AKT3: variants seen among roughly 807,000 people sequenced by gnomAD.
AKT3 encodes the protein AKT serine/threonine kinase 3.
AKT3 carries 15 observed loss-of-function variants against 65.3 expected under a neutral mutation model. The observed-to-expected ratio is 0.23, with a 90% confidence interval of 0.15 to 0.35. AKT3 has a LOEUF of 0.35. Ranked by LOEUF, AKT3 falls within the 10% of genes least tolerant of loss-of-function variation. The probability of loss-of-function intolerance (pLI) is 1.00; values close to 1 mark genes in which losing one functional copy is unlikely to be tolerated. For synonymous variants in AKT3, 206 were observed against 183.8 expected (o/e 1.12, Z -0.98); for missense variants, 243 against 576.5 (o/e 0.42, Z 5.92).
intron 12 of AKT3, among the ~76,000 whole-genome samples, chr1:243,523,449 A>T (rs982014757): frequency 6.6e-6 from 1 of 152,114 alleles, no homozygotes; most frequent in Non-Finnish European, 1.5e-5. Flanking sequence ...ACTTTAAATG[A>T]TCTGAAATAC....
intron 8 of AKT3, among the ~76,000 whole-genome samples, chr1:243,597,064 G>A (rs920571804): frequency 1.3e-5 from 2 of 152,168 alleles, no homozygotes; most frequent in Non-Finnish European, 2.9e-5. Context: ...TGGGTACAGG[G>A]AAGACTGACT....
At chr1:243,545,113 C>T (rs780796675) in intron 12 of AKT3, among the ~76,000 whole-genome samples, 1 of 152,058 alleles carries the variant, frequency 6.6e-6, no homozygotes, top group Non-Finnish European at 1.5e-5. Context: ...CTTTAAATTT[C>T]TTTTAAAACA....
Position 243,560,357 on chromosome 1 carries a change from T to A in AKT3, c.948+3363A>T, listed in dbSNP as rs574912513. Reference sequence around the variant, plus strand: ...AATAATTCTTTGATGAATGAATGAGTGTCCCTCAGTAAAATGGTCCACGCT... The same window carrying A: ...AATAATTCTTTGATGAATGAATGAGAGTCCCTCAGTAAAATGGTCCACGCT... On this transcript the variant is annotated intron_variant, in intron 10 of 13. Transcript: ENST00000673466. 2.0e-5 allele frequency among the ~76,000 whole-genome samples: 3 copies of A among 152,274 alleles called. No individual in the cohort carries two copies. In the East Asian group the frequency reaches 5.8e-4, roughly 29 times the overall value.
chr1:243,614,809 G>GTTAA (rs1230280165), intron 7 of AKT3, among the ~76,000 whole-genome samples: 1 of 151,934 alleles, frequency 6.6e-6, no homozygotes, highest in Non-Finnish European at 1.5e-5. Context: ...AAATGCCAGA[G>GTTAA]GTAATGTATT....
At chr1:243,554,835 C>T (rs1042992813) in intron 10 of AKT3, among the ~76,000 whole-genome samples, 3 of 151,846 alleles carry the variant, frequency 2.0e-5, no homozygotes, top group Admixed American at 6.6e-5. Flanking sequence ...AACTGCCTCC[C>T]GAACCCACAT....
At chr1:243,563,993 T>A in intron 9 of AKT3, 145 bp from the exon 10 acceptor site, 2 of 600,906 alleles carry the variant, frequency 3.3e-6, no homozygotes, top group Non-Finnish European at 5.2e-6. Context: ...ACTTACAAAC[T>A]CTGTTGCTTC....
intron 2 of AKT3, among the ~76,000 whole-genome samples, chr1:243,705,383 C>T (rs1190804989): frequency 6.6e-6 from 1 of 152,152 alleles, no homozygotes; most frequent in East Asian, 1.9e-4. Flanking sequence ...ATCTGCTTTA[C>T]AATTTTCTTT....
intron 6 of AKT3, among the ~76,000 whole-genome samples, chr1:243,629,263 C>T (rs180676619): frequency 6.6e-6 from 1 of 151,874 alleles, no homozygotes; most frequent in East Asian, 1.9e-4. Flanking sequence ...GCAACAAGAG[C>T]AAAACTCCAT....
intron 2 of AKT3, among the ~76,000 whole-genome samples, chr1:243,809,204 G>C (rs1237647628): frequency 6.6e-6 from 1 of 152,086 alleles, no homozygotes. Flanking sequence ...ATGTAAATGG[G>C]CTAAATGCTC....
At chr1:243,847,692 A>G (rs1160758172) in intron 1 of AKT3, among the ~76,000 whole-genome samples, 1 of 152,160 alleles carries the variant, frequency 6.6e-6, no homozygotes, top group Non-Finnish European at 1.5e-5. Context: ...ATTTGCAGTG[A>G]TTCTGAAAAC....
intron 4 of AKT3, among the ~76,000 whole-genome samples, chr1:243,654,467 CAA>C (rs887172309): frequency 6.6e-6 from 1 of 152,090 alleles, no homozygotes; most frequent in Non-Finnish European, 1.5e-5. Flanking sequence ...GTGCTAGTGA[CAA>C]ATCTTATCAA....
intron 2 of AKT3, among the ~76,000 whole-genome samples, chr1:243,696,495 C>T (rs930977912): frequency 6.6e-6 from 1 of 151,966 alleles, no homozygotes; most frequent in Non-Finnish European, 1.5e-5. Flanking sequence ...TAATTTTAAG[C>T]AACAGAGGTG....
intron 2 of AKT3, among the ~76,000 whole-genome samples, chr1:243,768,232 C>A (rs959484122): frequency 6.6e-6 from 1 of 151,518 alleles, no homozygotes; most frequent in African/African-American, 2.4e-5. Context: ...TTACTTAAGG[C>A]AAAAAGTCTT....
rs550685224 is a variant in AKT3 at position 243,614,201 on chromosome 1, T to C, written c.628-462A>G. ...CACAACAGAACCCAACCTAACAGAG[T>C]TGGTTTATATAATTTTGTAGGTTAT... On this transcript the variant is annotated intron_variant, in intron 7 of 13. Transcript: ENST00000673466. 6.0e-4 allele frequency among the ~76,000 whole-genome samples: 91 copies of C among 152,122 alleles called. 1 individual carries two copies. Among genetic ancestry groups the C allele is most frequent in the African/African-American group, 2.1e-3 (88 of 41,502 alleles).
intron 2 of AKT3, among the ~76,000 whole-genome samples, chr1:243,751,343 A>G (rs905040355): frequency 2.0e-5 from 3 of 152,270 alleles, no homozygotes. Flanking sequence ...TGATAAATGA[A>G]GCAGACATTC....
intron 12 of AKT3, among the ~76,000 whole-genome samples, chr1:243,535,215 A>G (rs1403345093): frequency 1.3e-5 from 2 of 150,952 alleles, no homozygotes; most frequent in Non-Finnish European, 3.0e-5. Flanking sequence ...AATTATTTTA[A>G]AATATATTTT....
chr1:243,532,169 G>C (rs991845131), intron 12 of AKT3, among the ~76,000 whole-genome samples: 3 of 152,110 alleles, frequency 2.0e-5, no homozygotes, highest in Non-Finnish European at 4.4e-5. Flanking sequence ...GTTGAAAGTG[G>C]TATCTTTGTT....
intron 2 of AKT3, chr1:243,818,241 A>G (rs1391582026): frequency 6.6e-6 from 1 of 152,280 alleles, no homozygotes; most frequent in East Asian, 1.9e-4. Context: ...ATTCTAAGTC[A>G]TTATTACATA....
chr1:243,551,085 T>G (rs193225770), intron 11 of AKT3, among the ~76,000 whole-genome samples: 7 of 151,106 alleles, frequency 4.6e-5, no homozygotes, highest in Non-Finnish European at 8.8e-5. Context: ...TTTCAAAACT[T>G]AAACTGAGAA....
Sources: gnomAD v4.1 joint callset for allele counts (sites outside exome capture counted in the v4.1 genomes callset) on GRCh38, gnomAD v4.1.1 for gene constraint, MANE v1.5 for transcripts, NCBI Gene and HGNC (gene_info 2026-07-23, HGNC 2026-07-21) for gene names.